Variants in NGF observed in about 807,000 individuals in gnomAD.
NGF encodes nerve growth factor, also known as beta-nerve growth factor.
In NGF, 4 loss-of-function variants were observed where a neutral mutation model predicts 12.8. The ratio of observed to expected loss-of-function variants is 0.31; its 90% CI spans 0.15 to 0.72. The LOEUF is 0.72. NGF is among the 30% of genes least tolerant of loss of function. The pLI is 0.69. For missense variants in NGF, 283 were observed against 330.8 expected (o/e 0.86, Z 1.12); for synonymous variants, 140 against 130.0 (o/e 1.08, Z -0.52).
intron 1 of NGF, among the ~76,000 whole-genome samples, chr1:115,328,784 C>T (rs1300347690): frequency 6.6e-6 from 1 of 152,136 alleles, no homozygotes; most frequent in African/African-American, 2.4e-5. Context: ...AATGTCAGTG[C>T]CCAGTGACAG....
intron 1 of NGF, among the ~76,000 whole-genome samples, chr1:115,324,875 G>A (rs1654731656): frequency 6.6e-6 from 1 of 152,162 alleles, no homozygotes; most frequent in Non-Finnish European, 1.5e-5. Flanking sequence ...TTACTCATTT[G>A]ACAAAGACTT....
At chr1:115,321,576 ATGTGTG>A (rs59590858) in intron 1 of NGF, among the ~76,000 whole-genome samples, 9,471 of 133,094 alleles carry the variant, frequency 0.071, 388 homozygotes, top group South Asian at 0.11. Context: ...TGTGTATGGG[ATGTGTG>A]TGTGTGTGTG....
chr1:115,295,376 G>T (rs1024942327), intron 1 of NGF, among the ~76,000 whole-genome samples: 1 of 152,150 alleles, frequency 6.6e-6, no homozygotes, highest in Non-Finnish European at 1.5e-5. Context: ...GGCTAGTGAT[G>T]AAAATGCATA....
intron 1 of NGF, among the ~76,000 whole-genome samples, chr1:115,329,158 AG>A (rs1654846063): frequency 1.3e-5 from 2 of 151,524 alleles, no homozygotes; most frequent in African/African-American, 4.9e-5. Flanking sequence ...GAGAAGGAGG[AG>A]GAATGGGCAA....
At chr1:115,311,088 T>C (rs898056181) in intron 1 of NGF, among the ~76,000 whole-genome samples, 1 of 152,196 alleles carries the variant, frequency 6.6e-6, no homozygotes, top group Non-Finnish European at 1.5e-5. Context: ...CCAAGCCACA[T>C]AGGCTAGAAA....
intron 1 of NGF, among the ~76,000 whole-genome samples, chr1:115,294,436 A>T (rs719452): frequency 0.82 from 125,035 of 152,334 alleles, 51,807 homozygotes; most frequent in African/African-American, 0.94. Context: ...ATGTAGGCAC[A>T]TCATTCATTC....
At chr1:115,331,931 C>T (rs1208289695) in intron 1 of NGF, among the ~76,000 whole-genome samples, 3 of 152,204 alleles carry the variant, frequency 2.0e-5, no homozygotes, top group Admixed American at 6.5e-5. Flanking sequence ...TGGTGGGCCC[C>T]CTCCCCTGTG....
chr1:115,301,572 C>T (rs1293856600), intron 1 of NGF, among the ~76,000 whole-genome samples: 1 of 152,106 alleles, frequency 6.6e-6, no homozygotes, highest in Non-Finnish European at 1.5e-5. Flanking sequence ...CCCATCTGGC[C>T]CTCTCTGGCA....
At chr1:115,298,165 A>G (rs560401763) in intron 1 of NGF, among the ~76,000 whole-genome samples, 13 of 152,280 alleles carry the variant, frequency 8.5e-5, no homozygotes, top group Middle Eastern at 3.4e-3. Context: ...GTCTAGATAT[A>G]ATTGACATTT....
rs1571104347 is a variant in NGF at position 115,337,754 on chromosome 1, C to T, written c.-137+450G>A. ...TTTCCCTACTCGGCGCTCACCTCAG[C>T]CAGCGCGCTCTGCGCTCCCCCCGCG... On this transcript the variant is annotated intron_variant, in intron 1 of 2. Coordinates refer to ENST00000369512, the MANE Select transcript of NGF (RefSeq NM_002506.3). Among the ~76,000 whole-genome samples, 3 of 152,294 alleles carry T rather than the reference C, an allele frequency of 2.0e-5. No individual in the cohort carries two copies. In the East Asian group the frequency reaches 5.8e-4, roughly 30 times the overall value.
intron 1 of NGF, among the ~76,000 whole-genome samples, chr1:115,336,503 CCCGCCTGTCT>C (rs1553239409): frequency 3.9e-5 from 6 of 152,226 alleles, no homozygotes; most frequent in Non-Finnish European, 8.8e-5. Flanking sequence ...AGCCCCCAGA[CCCGCCTGTCT>C]CCTCTGACCC....
At chr1:115,334,366 T>A (rs994356762) in intron 1 of NGF, among the ~76,000 whole-genome samples, 6 of 152,216 alleles carry the variant, frequency 3.9e-5, no homozygotes, top group Non-Finnish European at 7.3e-5. Flanking sequence ...AGTCTGCCTG[T>A]GTTTTTAATA....
At chr1:115,329,401 A>C (rs528061662) in intron 1 of NGF, among the ~76,000 whole-genome samples, 1 of 152,366 alleles carries the variant, frequency 6.6e-6, no homozygotes, top group African/African-American at 2.4e-5. Flanking sequence ...ACACAACTGC[A>C]AATCACAGAG....
intron 1 of NGF, among the ~76,000 whole-genome samples, chr1:115,332,472 G>GCTAT (rs1654948155): frequency 1.3e-5 from 2 of 151,950 alleles, no homozygotes; most frequent in Non-Finnish European, 1.5e-5. Context: ...TATATGCACA[G>GCTAT]ATACATTAAA....
At chr1:115,292,540 G>A (rs941698463) in intron 2 of NGF, among the ~76,000 whole-genome samples, 2 of 152,198 alleles carry the variant, frequency 1.3e-5, no homozygotes, top group Non-Finnish European at 2.9e-5. Flanking sequence ...CTTTAACTTT[G>A]TAGAAGACAA....
At chr1:115,330,684 G>A (rs1222304534) in intron 1 of NGF, among the ~76,000 whole-genome samples, 1 of 151,720 alleles carries the variant, frequency 6.6e-6, no homozygotes, top group African/African-American at 2.4e-5. Flanking sequence ...GTCTGATCAG[G>A]TGGCTCAGCT....
At position 115,286,049 on chromosome 1, in the gene NGF, G is replaced by C. The variant is rs1460473715; in HGVS notation, c.*21C>G. The C allele has an allele frequency of 1.2e-6, 2 of 1,612,248 alleles. No homozygotes were observed. The highest frequency in any genetic ancestry group is 2.2e-5 in the South Asian group (2 of 90,822). On this transcript the variant is annotated 3_prime_UTR_variant, in exon 3 of 3. Transcript: ENST00000369512. ...CCCAGGAGAGTGTAGAAGGGGCAGG[G>C]GGAGGGAGCGTGTCGGCAGGTCAGG...
intron 1 of NGF, among the ~76,000 whole-genome samples, chr1:115,299,730 A>G (rs1195652946): frequency 6.6e-6 from 1 of 152,194 alleles, no homozygotes; most frequent in Non-Finnish European, 1.5e-5. Flanking sequence ...ACAATCCAAT[A>G]ATTTTTCAAA....
chr1:115,319,753 C>T (rs987117069), intron 1 of NGF, among the ~76,000 whole-genome samples: 8 of 152,206 alleles, frequency 5.3e-5, no homozygotes, highest in Non-Finnish European at 1.2e-4. Flanking sequence ...GCACCCAGCC[C>T]TCGTTCTTGT....
Sources: gnomAD v4.1 joint callset for allele counts (sites outside exome capture counted in the v4.1 genomes callset) on GRCh38, gnomAD v4.1.1 for gene constraint, MANE v1.5 for transcripts, NCBI Gene and HGNC (gene_info 2026-07-23, HGNC 2026-07-21) for gene names.